The following C21orf58 variants were observed in gnomAD, a reference collection of about 807,000 sequenced individuals.
C21orf58 encodes the protein uncharacterized protein C21orf58.
C21orf58 carries 34 observed loss-of-function variants against 35.8 expected under a neutral mutation model. That is an observed-to-expected ratio of 0.95 (90% CI 0.72 to 1.26). The LOEUF (loss-of-function observed/expected upper bound fraction) is 1.26. Among genes scored for constraint, C21orf58 ranks in the 50% most tolerant of loss-of-function variants. C21orf58 has a pLI of 0.00. For missense variants in C21orf58, 440 were observed against 414.3 expected, an observed-to-expected ratio of 1.06 and a Z score of -0.54; for synonymous variants, 191 against 175.8, an observed-to-expected ratio of 1.09 and a Z score of -0.68.
Position 46,301,988 on chromosome 21 carries a change from G to A in C21orf58, c.*11C>T. ...GGAGGGTGCCCCGGCCAGGGTCTCT[G>A]TGACTCACACTCAGGGTGGGCCAGG... On this transcript the variant is annotated 3_prime_UTR_variant, in exon 8 of 8. Coordinates refer to ENST00000291691, the MANE Select transcript of C21orf58 (RefSeq NM_058180.5). The A allele has an allele frequency of 6.6e-7, 1 of 1,518,258 alleles. No individual in the cohort carries two copies. The highest frequency in any genetic ancestry group is 8.8e-7 in the Non-Finnish European group (1 of 1,133,398). The allele number at this position is 1,518,258 out of a possible 1,614,324, so 94.0% of individuals were successfully genotyped here.
Position 46,303,864 on chromosome 21 carries a change from G to A in C21orf58, c.722-1288C>T, listed in dbSNP as rs529783297. On this transcript the variant is annotated intron_variant, in intron 6 of 7. Transcript: ENST00000291691. ...CCTCCTGGGTTCACGCCATTCTCCT[G>A]CCTCAGCCTCCTGAGTAGCTGGGAC... 2.5e-3 allele frequency among the ~76,000 whole-genome samples: 350 copies of A among 139,696 alleles called. 2 individuals carry two copies. Among genetic ancestry groups the A allele is most frequent in the Admixed American group, 5.9e-3 (81 of 13,796 alleles). The allele number at this position is 139,696 out of a possible 152,430, so 91.6% of individuals were successfully genotyped here. A position where few individuals can be genotyped will look rare whatever the true frequency, so the allele number is the denominator to read the frequency against.
chr21:46,318,487 C>T (rs1357234529), intron 1 of C21orf58: 6 of 1,359,952 alleles, frequency 4.4e-6, no homozygotes, highest in African/African-American at 2.9e-5. Context: ...GAAGGGCAGT[C>T]GTGACCCCCT....
chr21:46,315,596 G>A (rs780158659), intron 3 of C21orf58, 49 bp from the exon 4 acceptor site: 10 of 1,256,986 alleles, frequency 8.0e-6, no homozygotes, highest in Admixed American at 3.4e-5. Context: ...AGAGGCTGTC[G>A]CTGCAAGCAC....
intron 1 of C21orf58, among the ~76,000 whole-genome samples, chr21:46,321,272 G>C (rs571387181): frequency 1.2e-4 from 19 of 152,082 alleles, no homozygotes; most frequent in Non-Finnish European, 2.2e-4. Flanking sequence ...AGTTTCAAGC[G>C]ATTCTTCTGC....
Position 46,301,552 on chromosome 21 carries a change from T to C in C21orf58, c.*447A>G, listed in dbSNP as rs2082109075. 1.0e-6 allele frequency: 1 copy of C among 989,756 alleles called. No individual in the cohort carries two copies. Among genetic ancestry groups the C allele is most frequent in the Non-Finnish European group, 1.2e-6 (1 of 832,970 alleles). 61.3% of individuals were successfully genotyped at this position (989,756 alleles called of 1,614,324 possible). On this transcript the variant is annotated 3_prime_UTR_variant, in exon 8 of 8. Transcript: ENST00000291691. ...CAGGATGTTCACACTTCCATGTGGCTAAAGCTATTGATCTTTTCTGTTCTG... is the reference window on the plus strand; with the variant it reads ...CAGGATGTTCACACTTCCATGTGGCCAAAGCTATTGATCTTTTCTGTTCTG...
At chr21:46,320,651 G>C (rs777848463) in intron 1 of C21orf58, 4 of 151,662 alleles carry the variant, frequency 2.6e-5, no homozygotes, top group African/African-American at 9.7e-5. Context: ...GTACTCTATG[G>C]CCATGAAAAG....
At chr21:46,313,126 C>T (rs987454016) in intron 5 of C21orf58, 88 of 920,032 alleles carry the variant, frequency 9.6e-5, no homozygotes, top group Non-Finnish European at 1.1e-4. Flanking sequence ...CAGGACACAC[C>T]GTCAGCTCTT....
chr21:46,313,494 A>G (rs1369357094), intron 5 of C21orf58, among the ~76,000 whole-genome samples: 1 of 152,196 alleles, frequency 6.6e-6, no homozygotes, highest in South Asian at 2.1e-4. Flanking sequence ...AGTGACCCAC[A>G]GCCCCTGCTC....
intron 6 of C21orf58, among the ~76,000 whole-genome samples, chr21:46,305,072 A>G (rs929400575): frequency 5.9e-5 from 9 of 152,198 alleles, no homozygotes; most frequent in Admixed American, 2.0e-4. Flanking sequence ...GTAGTCACAC[A>G]AAGACAGATA....
chr21:46,312,875 C>T (rs972414857), intron 5 of C21orf58: 1 of 452,964 alleles, frequency 2.2e-6, no homozygotes, highest in Non-Finnish European at 2.9e-6. Flanking sequence ...TAATTACTGT[C>T]CTCCATCATA....
chr21:46,301,474 G>A lies in C21orf58; in HGVS notation c.*525C>T. 3.6e-6 allele frequency: 3 copies of A among 831,504 alleles called. No homozygotes were observed. The highest frequency in any genetic ancestry group is 2.6e-6 in the Non-Finnish European group (2 of 760,302). The allele number at this position is 831,504 out of a possible 1,614,324, so 51.5% of individuals were successfully genotyped here. On this transcript the variant is annotated 3_prime_UTR_variant, in exon 8 of 8. Transcript: ENST00000291691. ...TTTAGTGGGAGTCTGTGCCACAGCT[G>A]TGGACACAGGTGTCCCTAGTTATTA...
intron 1 of C21orf58, among the ~76,000 whole-genome samples, chr21:46,321,355 G>T (rs2083150947): frequency 6.6e-6 from 1 of 152,080 alleles, no homozygotes. Flanking sequence ...GAAAGCCAGT[G>T]CACCTGGCCC....
intron 6 of C21orf58, 71 bp downstream of exon 6, chr21:46,311,385 C>T: frequency 1.1e-6 from 1 of 893,494 alleles, no homozygotes; most frequent in Non-Finnish European, 1.7e-6. Flanking sequence ...GACTGTCCTG[C>T]TTCCAGGAAC....
At position 46,301,920 on chromosome 21, in the gene C21orf58, C is replaced by A; in HGVS notation, c.*79G>T. On this transcript the variant is annotated 3_prime_UTR_variant, in exon 8 of 8. Transcript: ENST00000291691. ...GGCAGGGTCTCTCCCTGCTCCCTTC[C>A]ATAGTCCCGCCACAGCCCACAGCCC... The A allele has an allele frequency of 3.6e-6, 5 of 1,390,996 alleles. No homozygotes were observed. Among genetic ancestry groups the A allele is most frequent in the Non-Finnish European group, 4.6e-6 (5 of 1,075,680 alleles). 86.2% of individuals were successfully genotyped at this position (1,390,996 alleles called of 1,614,324 possible). A position where few individuals can be genotyped will look rare whatever the true frequency, so the allele number is the denominator to read the frequency against.
At chr21:46,320,908 G>T (rs1277178191) in intron 1 of C21orf58, 1 of 152,192 alleles carries the variant, frequency 6.6e-6, no homozygotes, top group Middle Eastern at 3.2e-3. Flanking sequence ...CTGACTTAAG[G>T]AGAGACTTGA....
At chr21:46,309,560 T>A (rs968282091) in intron 6 of C21orf58, among the ~76,000 whole-genome samples, 5 of 152,158 alleles carry the variant, frequency 3.3e-5, no homozygotes, top group African/African-American at 1.2e-4. Context: ...AACTGATATA[T>A]TCACACAATG....
intron 6 of C21orf58, among the ~76,000 whole-genome samples, chr21:46,306,302 C>T (rs889219249): frequency 1.3e-5 from 2 of 151,968 alleles, no homozygotes; most frequent in African/African-American, 2.4e-5. Context: ...AGGTTCAAGA[C>T]CATCTGGCCA....
chr21:46,304,744 A>G (rs1178936628), intron 6 of C21orf58, among the ~76,000 whole-genome samples: 1 of 152,170 alleles, frequency 6.6e-6, no homozygotes, highest in African/African-American at 2.4e-5. Context: ...TGTCCTAGGC[A>G]TGCGTTCCAT....
chr21:46,319,063 T>C (rs2083075057), intron 1 of C21orf58: 2 of 152,914 alleles, frequency 1.3e-5, no homozygotes, highest in African/African-American at 4.8e-5. Context: ...GTTCTGTAAA[T>C]GGCCCATGTC....
Sources: gnomAD v4.1 joint callset for allele counts (sites outside exome capture counted in the v4.1 genomes callset) on GRCh38, gnomAD v4.1.1 for gene constraint, MANE v1.5 for transcripts, NCBI Gene and HGNC (gene_info 2026-07-23, HGNC 2026-07-21) for gene names.